Variants in PXDNL observed in about 807,000 individuals in gnomAD.
PXDNL encodes peroxidasin like.
Under a neutral mutation model 150.8 loss-of-function variants are expected in PXDNL, and 145 were observed. The ratio of observed to expected loss-of-function variants is 0.96; its 90% CI spans 0.84 to 1.10. PXDNL has a LOEUF of 1.10. PXDNL is among the 50% of genes least tolerant of loss of function. The probability of loss-of-function intolerance (pLI) is 0.00; values close to 1 mark genes in which losing one functional copy is unlikely to be tolerated. For synonymous variants in PXDNL, 757 were observed against 725.7 expected (o/e 1.04, Z -0.69); for missense variants, 2,087 against 1,873.9 (o/e 1.11, Z -2.10).
chr8:51,518,218 A>G (rs1811586995), intron 4 of PXDNL, among the ~76,000 whole-genome samples: 1 of 152,186 alleles, frequency 6.6e-6, no homozygotes, highest in Non-Finnish European at 1.5e-5. Context: ...AAACCCACAG[A>G]CGGATTCCAA....
In PXDNL at chr8:51,449,039, G is replaced by C. The variant is rs377262954; in HGVS notation, c.1329C>G (p.Asp443Glu). ...AGACAATAACAGGAGGTGGGTTGCC[G>C]TCAGCTTCACAGAGCCACTCTACAG... ...EHAVEWLCEADGNPPPVIVWT... is the reference protein window; with the variant it reads ...EHAVEWLCEAEGNPPPVIVWT... Residue 443 changes from aspartate to glutamate, a missense_variant, in exon 11 of 23, where the codon GAC becomes GAG. Coordinates refer to ENST00000356297, the MANE Select transcript of PXDNL (RefSeq NM_144651.5). 6.4e-7 allele frequency: 1 copy of C among 1,551,628 alleles called. No individual in the cohort carries two copies. Among genetic ancestry groups the C allele is most frequent in the Non-Finnish European group, 8.7e-7 (1 of 1,146,582 alleles).
chr8:51,388,002 C>T (rs1040321836), intron 17 of PXDNL, among the ~76,000 whole-genome samples: 2 of 152,132 alleles, frequency 1.3e-5, no homozygotes, highest in African/African-American at 4.8e-5. Flanking sequence ...GTTAACATTA[C>T]AGATCCTTTC....
chr8:51,321,641 T>C (rs932613170), intron 21 of PXDNL, among the ~76,000 whole-genome samples: 1 of 152,124 alleles, frequency 6.6e-6, no homozygotes, highest in Non-Finnish European at 1.5e-5. Flanking sequence ...TCTCTCCTGC[T>C]GCCATGTGAA....
intron 19 of PXDNL, among the ~76,000 whole-genome samples, chr8:51,359,578 G>A (rs969577763): frequency 2.6e-5 from 4 of 151,764 alleles, no homozygotes; most frequent in African/African-American, 9.7e-5. Context: ...AATATTTGGA[G>A]GACACGTACA....
intron 1 of PXDNL, chr8:51,721,797 C>T (rs1412202551): frequency 5.7e-6 from 2 of 348,218 alleles, no homozygotes; most frequent in East Asian, 7.1e-5. Flanking sequence ...TGGTGGAGCT[C>T]CAGCCAGCCT....
chr8:51,471,831 C>T (rs375162170), intron 8 of PXDNL, among the ~76,000 whole-genome samples: 4 of 151,986 alleles, frequency 2.6e-5, no homozygotes, highest in South Asian at 2.1e-4. Flanking sequence ...GGACTACAGG[C>T]GCTCACCACC....
chr8:51,705,425 T>C lies in PXDNL; in HGVS notation c.165-50665A>G, dbSNP rs1409869387. On this transcript the variant is annotated intron_variant, in intron 1 of 22. Coordinates refer to ENST00000356297, the MANE Select transcript of PXDNL (RefSeq NM_144651.5). ...TCCAAGAAATTAAATTAAGGACTAA[T>C]GCTACAGGGACAATAACATGGTTCA... Among the ~76,000 whole-genome samples the C allele has an allele frequency of 2.6e-5, 4 of 152,340 alleles. No homozygotes were observed. In the South Asian group the frequency reaches 8.3e-4, roughly 32 times the overall value.
At chr8:51,618,266 A>G (rs1012594078) in intron 2 of PXDNL, among the ~76,000 whole-genome samples, 1 of 152,244 alleles carries the variant, frequency 6.6e-6, no homozygotes, top group East Asian at 1.9e-4. Flanking sequence ...GCGAGGGCCT[A>G]CAACCTGGAA....
At chr8:51,772,685 G>C (rs1294501038) in intron 1 of PXDNL, among the ~76,000 whole-genome samples, 2 of 152,212 alleles carry the variant, frequency 1.3e-5, no homozygotes, top group African/African-American at 2.4e-5. Context: ...TATGAAGTCT[G>C]TGTGGAAGGT....
chr8:51,742,202 G>A (rs1198290332), intron 1 of PXDNL, among the ~76,000 whole-genome samples: 1 of 152,180 alleles, frequency 6.6e-6, no homozygotes, highest in Non-Finnish European at 1.5e-5. Flanking sequence ...TTATTAAAGA[G>A]ACAAGAAGAG....
At chr8:51,554,836 A>G (rs1812568605) in intron 4 of PXDNL, among the ~76,000 whole-genome samples, 1 of 151,884 alleles carries the variant, frequency 6.6e-6, no homozygotes, top group South Asian at 2.1e-4. Context: ...GCAACCTCTA[A>G]GAAGTTTTAC....
At chr8:51,431,690 T>G (rs1485956991) in intron 12 of PXDNL, among the ~76,000 whole-genome samples, 1 of 152,148 alleles carries the variant, frequency 6.6e-6, no homozygotes. Flanking sequence ...CAATTCTTGG[T>G]CCTCTCACCT....
At chr8:51,792,826 C>T (rs1484989236) in intron 1 of PXDNL, among the ~76,000 whole-genome samples, 1 of 152,210 alleles carries the variant, frequency 6.6e-6, no homozygotes, top group Non-Finnish European at 1.5e-5. Context: ...GGACAGCACT[C>T]TGATCTTCCT....
intron 3 of PXDNL, among the ~76,000 whole-genome samples, chr8:51,564,450 A>G (rs78410014): frequency 0.042 from 6,368 of 151,856 alleles, 293 homozygotes; most frequent in African/African-American, 0.12. Context: ...GTTGGTTCAC[A>G]GATTATTTTG....
At chr8:51,332,486 C>A (rs2130648800) in intron 21 of PXDNL, among the ~76,000 whole-genome samples, 1 of 151,794 alleles carries the variant, frequency 6.6e-6, no homozygotes, top group South Asian at 2.1e-4. Flanking sequence ...AAATCCCTGA[C>A]TTACGAGAAA....
chr8:51,576,231 A>G lies in PXDNL; in HGVS notation c.308+16396T>C, dbSNP rs180732153. Among the ~76,000 whole-genome samples, 17 of 151,510 alleles carry G rather than the reference A, an allele frequency of 1.1e-4. No homozygotes were observed. The East Asian group carries it at 2.9e-3, about 26-fold the overall frequency. On this transcript the variant is annotated intron_variant, in intron 3 of 22. Coordinates refer to ENST00000356297, the MANE Select transcript of PXDNL (RefSeq NM_144651.5). ...AAAAAAAAACAAACAAAAAAACTCA[A>G]TTCACATCCTTTTTGAGTTCCCTGA... is the stretch of plus-strand genomic sequence containing the variant.
chr8:51,763,596 G>A (rs796651971), intron 1 of PXDNL, among the ~76,000 whole-genome samples: 4 of 152,150 alleles, frequency 2.6e-5, no homozygotes, highest in African/African-American at 9.6e-5. Context: ...GCCCACTTGG[G>A]CCTCTTCCAA....
chr8:51,592,259 G>T (rs1171650066), intron 3 of PXDNL, among the ~76,000 whole-genome samples: 1 of 152,134 alleles, frequency 6.6e-6, no homozygotes, highest in Non-Finnish European at 1.5e-5. Context: ...TAGATACTCT[G>T]TTGGCATAAA....
At chr8:51,399,032 G>A (rs1227888357) in intron 17 of PXDNL, among the ~76,000 whole-genome samples, 2 of 152,126 alleles carry the variant, frequency 1.3e-5, no homozygotes, top group South Asian at 2.1e-4. Context: ...ACAGTAGAAA[G>A]TCTGTGAACT....
Sources: gnomAD v4.1 joint callset for allele counts (sites outside exome capture counted in the v4.1 genomes callset) on GRCh38, gnomAD v4.1.1 for gene constraint, MANE v1.5 for transcripts, NCBI Gene and HGNC (gene_info 2026-07-23, HGNC 2026-07-21) for gene names.